Variants in GALNT1 observed in about 807,000 individuals in gnomAD.
GALNT1 encodes the protein GalNAc transferase 1.
In GALNT1, 17 loss-of-function variants were observed where a neutral mutation model predicts 65.7. The ratio of observed to expected loss-of-function variants is 0.26; its 90% CI spans 0.18 to 0.39. The LOEUF (loss-of-function observed/expected upper bound fraction) is 0.39, where lower values mean the gene tolerates loss of function less well. GALNT1 is among the 10% of genes least tolerant of loss of function. The pLI is 1.00. For synonymous variants in GALNT1, 210 were observed against 219.7 expected, an observed-to-expected ratio of 0.96 and a Z score of 0.39; for missense variants, 460 against 672.8, an observed-to-expected ratio of 0.68 and a Z score of 3.50.
At chr18:35,633,319 A>G (rs1189632333) in intron 1 of GALNT1, among the ~76,000 whole-genome samples, 2 of 152,218 alleles carry the variant, frequency 1.3e-5, no homozygotes, top group African/African-American at 4.8e-5. Flanking sequence ...GATAGACTGG[A>G]TTAAGAAAAT....
intron 9 of GALNT1, among the ~76,000 whole-genome samples, chr18:35,696,068 T>C (rs1294002030): frequency 1.3e-5 from 2 of 152,164 alleles, no homozygotes; most frequent in Admixed American, 1.3e-4. Context: ...TCTGGGCAAG[T>C]CGCAGCGTTT....
rs2046319808 is a variant in GALNT1 at position 35,581,779 on chromosome 18, A to G, written c.-187A>G. The G allele has an allele frequency of 4.6e-3, 1 of 216 alleles. No individual in the cohort carries two copies. Among genetic ancestry groups the G allele is most frequent in the Non-Finnish European group, 9.8e-3 (1 of 102 alleles). The allele number at this position is 216 out of a possible 1,614,324, so 0.0% of individuals were successfully genotyped here. On this transcript the variant is annotated 5_prime_UTR_variant, in exon 1 of 12. Transcript: ENST00000269195. ...GCGCGGCGGACGGCGGCCCGAGAGT[A>G]GCGCGCTGGCCGCGGGACCGGCCGC...
intron 1 of GALNT1, among the ~76,000 whole-genome samples, chr18:35,627,966 C>T (rs1444725066): frequency 1.3e-5 from 2 of 148,892 alleles, no homozygotes; most frequent in African/African-American, 4.9e-5. Context: ...GAGCCTCGCT[C>T]ATTGCTAGCA....
chr18:35,708,945 A>G (rs1307860509), intron 11 of GALNT1, among the ~76,000 whole-genome samples: 1 of 152,238 alleles, frequency 6.6e-6, no homozygotes, highest in East Asian at 1.9e-4. Flanking sequence ...AGAAACCTCA[A>G]GTTACCCAGG....
At chr18:35,705,846 G>T (rs1399334473) in intron 11 of GALNT1, among the ~76,000 whole-genome samples, 1 of 152,176 alleles carries the variant, frequency 6.6e-6, no homozygotes, top group Non-Finnish European at 1.5e-5. Context: ...AATATTCTTA[G>T]CTTTTCCTTG....
chr18:35,611,907 C>T (rs576327151), intron 1 of GALNT1, among the ~76,000 whole-genome samples: 2 of 152,180 alleles, frequency 1.3e-5, no homozygotes, highest in Admixed American at 6.5e-5. Context: ...CACAAAGCTT[C>T]TGTTTTTACA....
intron 5 of GALNT1, among the ~76,000 whole-genome samples, chr18:35,683,810 G>T (rs2047822453): frequency 1.3e-5 from 2 of 152,216 alleles, no homozygotes; most frequent in South Asian, 4.1e-4. Flanking sequence ...TACTAATGAG[G>T]AGTGATTAGG....
chr18:35,582,341 C>T (rs1248104027), intron 1 of GALNT1, among the ~76,000 whole-genome samples: 1 of 152,118 alleles, frequency 6.6e-6, no homozygotes, highest in African/African-American at 2.4e-5. Flanking sequence ...AAGTAGCGGG[C>T]TTTAGGTAAT....
chr18:35,651,604 T>A (rs573654283), intron 1 of GALNT1, among the ~76,000 whole-genome samples: 1 of 152,204 alleles, frequency 6.6e-6, no homozygotes, highest in Non-Finnish European at 1.5e-5. Context: ...CACCTGCTGA[T>A]TTGTTCTTTG....
intron 5 of GALNT1, among the ~76,000 whole-genome samples, chr18:35,685,378 T>C (rs1598805702): frequency 6.6e-6 from 1 of 151,714 alleles, no homozygotes; most frequent in African/African-American, 2.4e-5. Context: ...ATCACTCCCA[T>C]AGATAATGAA....
intron 1 of GALNT1, among the ~76,000 whole-genome samples, chr18:35,635,540 C>A (rs2047077788): frequency 6.6e-6 from 1 of 152,150 alleles, no homozygotes; most frequent in Non-Finnish European, 1.5e-5. Flanking sequence ...TCCAGGAATC[C>A]CCTAGAGATT....
intron 1 of GALNT1, among the ~76,000 whole-genome samples, chr18:35,632,313 C>T (rs1182357822): frequency 6.6e-6 from 1 of 152,122 alleles, no homozygotes; most frequent in Admixed American, 6.5e-5. Flanking sequence ...TACAAGGCTA[C>T]AGTAACCAAA....
upstream of GALNT1, chr18:35,581,260 G>A (rs2046308052): frequency 6.6e-6 from 1 of 151,774 alleles, no homozygotes; most frequent in South Asian, 2.1e-4. Flanking sequence ...TCCCGACCCA[G>A]GGTCGGGGGC....
intron 9 of GALNT1, among the ~76,000 whole-genome samples, chr18:35,693,303 C>T (rs946169623): frequency 3.9e-5 from 6 of 152,238 alleles, no homozygotes; most frequent in East Asian, 3.9e-4. Context: ...ATGTACTTAG[C>T]GCGTTCCAGA....
intron 1 of GALNT1, among the ~76,000 whole-genome samples, chr18:35,623,641 A>G (rs921752251): frequency 6.6e-6 from 1 of 151,884 alleles, no homozygotes; most frequent in Non-Finnish European, 1.5e-5. Context: ...ATTTCTTTTG[A>G]TCTCCCTTTA....
In GALNT1 at chr18:35,663,687, A is replaced by T. The variant is rs1482183016; in HGVS notation, c.199A>T (p.Ile67Phe). The change falls in exon 3 of 12, where the codon ATT becomes TTT. Residue 67 changes from isoleucine to phenylalanine, a missense_variant. Transcript: ENST00000269195. ...TGGAGAAATGGGGAAACCAGTCGTC[A>T]TTCCTAAAGAGGATCAAGAAAAGAT... ...GPGEMGKPVV[I>F]PKEDQEKMKE... 6.2e-7 allele frequency: 1 copy of T among 1,614,104 alleles called. No individual in the cohort carries two copies. Among genetic ancestry groups the T allele is most frequent in the East Asian group, 2.2e-5 (1 of 44,874 alleles).
intron 1 of GALNT1, among the ~76,000 whole-genome samples, chr18:35,636,781 T>A (rs2047094518): frequency 6.9e-6 from 1 of 145,196 alleles, no homozygotes; most frequent in Non-Finnish European, 1.5e-5. Flanking sequence ...AGATACTACT[T>A]TGTTTTTTTT....
chr18:35,653,071 C>A (rs1391115833), intron 1 of GALNT1, among the ~76,000 whole-genome samples: 3 of 152,150 alleles, frequency 2.0e-5, no homozygotes, highest in Non-Finnish European at 4.4e-5. Context: ...GCTTTAGGTT[C>A]TCCCCTCACC....
At chr18:35,623,552 T>C (rs1481987651) in intron 1 of GALNT1, among the ~76,000 whole-genome samples, 1 of 151,876 alleles carries the variant, frequency 6.6e-6, no homozygotes, top group East Asian at 1.9e-4. Context: ...TGATTTCACA[T>C]ATGTTAAATT....
Sources: gnomAD v4.1 joint callset for allele counts (sites outside exome capture counted in the v4.1 genomes callset) on GRCh38, gnomAD v4.1.1 for gene constraint, MANE v1.5 for transcripts, NCBI Gene and HGNC (gene_info 2026-07-23, HGNC 2026-07-21) for gene names.